The following ANO1 variants were observed in gnomAD, a reference collection of about 807,000 sequenced individuals.
ANO1 encodes the protein anoctamin 1, also known as anoctamin-1.
In ANO1, 59 loss-of-function variants were observed where a neutral mutation model predicts 124.0. The observed-to-expected ratio is 0.48, with a 90% CI of 0.39 to 0.59. The LOEUF (loss-of-function observed/expected upper bound fraction) is 0.59. Among genes scored for constraint, ANO1 ranks in the 20% least tolerant of loss-of-function variants. ANO1 has a pLI of 0.00. For missense variants in ANO1, 1,059 were observed against 1,328.0 expected (o/e 0.80, Z 3.15); for synonymous variants, 529 against 532.0 (o/e 0.99, Z 0.08).
At chr11:69,995,832 C>G (rs886666231) in intron 1 of ANO1, among the ~76,000 whole-genome samples, 23 of 152,144 alleles carry the variant, frequency 1.5e-4, no homozygotes, top group Non-Finnish European at 3.4e-4. Flanking sequence ...TCAGGCCGGG[C>G]GCAGTGGCTC....
chr11:70,034,427 G>A (rs546683872), intron 1 of ANO1, among the ~76,000 whole-genome samples: 1 of 152,132 alleles, frequency 6.6e-6, no homozygotes, highest in African/African-American at 2.4e-5. Flanking sequence ...AATATGGACA[G>A]ACCACAAGGG....
chr11:70,104,751 C>G (rs772470811), intron 4 of ANO1, among the ~76,000 whole-genome samples: 7 of 152,054 alleles, frequency 4.6e-5, no homozygotes, highest in Non-Finnish European at 8.8e-5. Flanking sequence ...GAATAGAAAG[C>G]TTGAGTCATG....
chr11:70,095,002 A>T (rs2096811), intron 2 of ANO1, among the ~76,000 whole-genome samples: 152,129 of 152,130 alleles, frequency 1, 76,064 homozygotes, highest in Non-Finnish European at 1. Flanking sequence ...AGGTCAGGAG[A>T]TCAAGTCCAG....
In ANO1 at chr11:70,028,688, G is replaced by A. The variant is rs141006960; in HGVS notation, c.58+42522G>A. On this transcript the variant is annotated intron_variant, in intron 1 of 27. Coordinates refer to the ANO1 transcript ENST00000531349. ...CCTCCCTGTCTGGGTCTTGAAGGGC[G>A]CGAGCATAGCAGGGGCAGACTTGGG... 4.7e-3 allele frequency among the ~76,000 whole-genome samples: 714 copies of A among 152,202 alleles called. 7 individuals carry two copies. Among genetic ancestry groups the A allele is most frequent in the African/African-American group, 0.016 (666 of 41,532 alleles).
At position 70,132,010 on chromosome 11, in the gene ANO1, A is replaced by G. The variant is rs2046777749; in HGVS notation, c.1189A>G (p.Thr397Ala). 1 of 1,607,386 alleles carries G rather than the reference A, an allele frequency of 6.2e-7. No individual in the cohort carries two copies. The highest frequency in any genetic ancestry group is 1.3e-5 in the African/African-American group (1 of 74,870). Residue 397 changes from threonine (T) to alanine (A), a missense_variant, in exon 11 of 26, where the codon ACG (threonine) becomes GCG (alanine). Transcript: ENST00000355303. Reference sequence around the variant, plus strand: ...CTGGAAGATGAGCTCAGCCTGCGCCACGGCCCGCGCCAGCCACCTCTTCGA... The same window carrying G: ...CTGGAAGATGAGCTCAGCCTGCGCCGCGGCCCGCGCCAGCCACCTCTTCGA... The part of the protein sequence containing the change: ...SYWKMSSACA[T>A]ARASHLFDNP...
intron 1 of ANO1, among the ~76,000 whole-genome samples, chr11:69,995,849 G>C (rs1485149018): frequency 6.6e-6 from 1 of 152,208 alleles, no homozygotes; most frequent in Non-Finnish European, 1.5e-5. Context: ...GCTCACGTCT[G>C]TAATCCCAGC....
At chr11:70,165,607 G>GGGCCAGGCGGAGGGGTGT (rs1213083052) in intron 20 of ANO1, 37 bp downstream of exon 20, 19 of 1,561,960 alleles carry the variant, frequency 1.2e-5, no homozygotes, top group Non-Finnish European at 1.6e-5. Context: ...GGCAGGGGCG[G>GGGCCAGGCGGAGGGGTGT]GGCCAGGCGG....
chr11:70,185,711 C>G lies in ANO1; in HGVS notation c.2694+16C>G. ...CGTCTTCCAGGTGCGGTGGGTCCCT[C>G]TTTGTTTCCGGTTTGAAGATGGGAG... is the stretch of plus-strand genomic sequence containing the variant. On this transcript the variant is annotated intron_variant, in intron 25 of 25. Transcript: ENST00000355303. 6.2e-7 allele frequency: 1 copy of G among 1,612,612 alleles called. No individual in the cohort carries two copies.
At chr11:70,049,556 T>A (rs923984135) in intron 1 of ANO1, among the ~76,000 whole-genome samples, 2 of 150,830 alleles carry the variant, frequency 1.3e-5, no homozygotes, top group Non-Finnish European at 1.5e-5. Flanking sequence ...CCAGGAGCTG[T>A]TATGGGCAAT....
In ANO1 at chr11:70,131,999, C is replaced by T; in HGVS notation, c.1178C>T (p.Ser393Leu). The change falls in exon 11 of 26, where the codon TCA becomes TTA. Residue 393 changes from serine to leucine, a missense_variant. Coordinates refer to ENST00000355303, the MANE Select transcript of ANO1 (RefSeq NM_018043.7). ...ACCTGCAGCTACTGGAAGATGAGCT[C>T]AGCCTGCGCCACGGCCCGCGCCAGC... ...DKTCSYWKMS[S>L]ACATARASHL... The T allele has an allele frequency of 6.2e-7, 1 of 1,609,628 alleles. No homozygotes were observed. The highest frequency in any genetic ancestry group is 8.5e-7 in the Non-Finnish European group (1 of 1,179,350).
In ANO1 at chr11:70,112,589, G is replaced by T. The variant is rs1344283657; in HGVS notation, c.855+827G>T. Reference sequence around the variant, plus strand: ...TTTTTTTGAAACAAGACAGAGTCTCGCTCTGTCATCCAGGCTGGAGTGCAA... The same window carrying T: ...TTTTTTTGAAACAAGACAGAGTCTCTCTCTGTCATCCAGGCTGGAGTGCAA... On this transcript the variant is annotated intron_variant, in intron 7 of 25. Transcript: ENST00000355303. Among the ~76,000 whole-genome samples, 4 of 140,578 alleles carry T rather than the reference G, an allele frequency of 2.8e-5. No homozygotes were observed. The East Asian group carries it at 8.3e-4, about 29-fold the overall frequency. 92.2% of individuals were successfully genotyped at this position (140,578 alleles called of 152,430 possible).
chr11:70,185,604 G>A lies in ANO1; in HGVS notation c.2603G>A (p.Arg868Gln). 3 of 1,613,872 alleles carry A rather than the reference G, an allele frequency of 1.9e-6. No individual in the cohort carries two copies. The highest frequency in any genetic ancestry group is 1.3e-5 in the African/African-American group (1 of 75,042). Reference protein sequence around the residue: ...EVQICRYKDYREPPWSENKYD... With the variant: ...EVQICRYKDYQEPPWSENKYD... ...GTCTTTTGCAGGTATAAAGACTACC[G>A]AGAGCCGCCGTGGTCGGAAAACAAG... Residue 868 changes from arginine (R) to glutamine (Q), a missense_variant, in exon 25 of 26, where the codon CGA (arginine) becomes CAA (glutamine). Physicochemically the swap from Arg to Gln is conservative, Grantham distance 43. Transcript: ENST00000355303.
At chr11:70,107,855 C>A (rs917968938) in intron 5 of ANO1, among the ~76,000 whole-genome samples, 1 of 152,186 alleles carries the variant, frequency 6.6e-6, no homozygotes. Flanking sequence ...CGATGATGGC[C>A]GCCTCCTGCC....
chr11:70,013,265 G>A (rs1357208295), intron 1 of ANO1, among the ~76,000 whole-genome samples: 2 of 152,192 alleles, frequency 1.3e-5, no homozygotes, highest in Admixed American at 1.3e-4. Context: ...GGCTAGAGAG[G>A]CCAACAGGGG....
At position 70,163,295 on chromosome 11, in the gene ANO1, C is replaced by T; in HGVS notation, c.1905C>T (p.Arg635=). 6.2e-7 allele frequency: 1 copy of T among 1,613,686 alleles called. No individual in the cohort carries two copies. Among genetic ancestry groups the T allele is most frequent in the Non-Finnish European group, 8.5e-7 (1 of 1,179,876 alleles). ...CCCATCGTTTCAGGTTTGTTGGACG[C>T]CCGGGCGACTACGTGTACATTTTCC... The part of the protein sequence containing the change: ...VAFFKGRFVG[R]PGDYVYIFRS... Residue 635 remains arginine (R), a synonymous_variant, in exon 19 of 26, where the codon CGC becomes CGT. Transcript: ENST00000355303.
intron 5 of ANO1, among the ~76,000 whole-genome samples, chr11:70,107,476 G>A: frequency 7.2e-6 from 1 of 138,618 alleles, no homozygotes; most frequent in Non-Finnish European, 1.6e-5. Flanking sequence ...TGGGACAGGT[G>A]GGTCCAGTGG....
intron 11 of ANO1, among the ~76,000 whole-genome samples, chr11:70,137,724 C>T (rs2047003353): frequency 6.8e-6 from 1 of 146,798 alleles, no homozygotes; most frequent in Non-Finnish European, 1.5e-5. Context: ...GGTTCAAATC[C>T]CAGCTCTGTC....
intron 10 of ANO1, among the ~76,000 whole-genome samples, chr11:70,128,395 G>A (rs558113338): frequency 1.7e-4 from 26 of 152,234 alleles, no homozygotes; most frequent in Non-Finnish European, 3.5e-4. Context: ...TGTAAGGTGA[G>A]GATTCTCCCC....
At chr11:70,174,931 AAAAG>A (rs1207317338) in intron 22 of ANO1, among the ~76,000 whole-genome samples, 8 of 151,906 alleles carry the variant, frequency 5.3e-5, no homozygotes, top group African/African-American at 1.9e-4. Flanking sequence ...AAAAGAAAAG[AAAAG>A]AAAAGAAAAG....
Sources: allele counts gnomAD v4.1 joint callset (sites outside exome capture counted in the v4.1 genomes callset), GRCh38; gene constraint gnomAD v4.1.1; transcripts MANE v1.5; gene names NCBI Gene and HGNC (gene_info 2026-07-23, HGNC 2026-07-21).